TM9SF2: variants seen among roughly 807,000 people sequenced by gnomAD.
TM9SF2 encodes the protein transmembrane 9 superfamily member 2.
A neutral mutation model predicts 84.9 loss-of-function variants in TM9SF2; 13 were observed. The ratio of observed to expected loss-of-function variants is 0.15; its 90% CI spans 0.10 to 0.24. TM9SF2 has a LOEUF of 0.24. TM9SF2 is among the 10% of genes least tolerant of loss of function. The probability of loss-of-function intolerance (pLI) is 1.00; values close to 1 mark genes in which losing one functional copy is unlikely to be tolerated. For missense variants in TM9SF2, 562 were observed against 818.5 expected (o/e 0.69, Z 3.82); for synonymous variants, 273 against 285.8 (o/e 0.96, Z 0.45).
chr13:99,528,967 A>G (rs889417258), intron 3 of TM9SF2, among the ~76,000 whole-genome samples: 1 of 152,212 alleles, frequency 6.6e-6, no homozygotes, highest in South Asian at 2.1e-4. Flanking sequence ...AGTCATGTTT[A>G]GCCTGATTTT....
intron 9 of TM9SF2, among the ~76,000 whole-genome samples, chr13:99,543,288 A>G (rs1421103580): frequency 6.6e-6 from 1 of 152,190 alleles, no homozygotes. Context: ...AATGTACAGT[A>G]TACTTTCCTG....
chr13:99,536,267 T>C (rs1469985930), intron 4 of TM9SF2, among the ~76,000 whole-genome samples: 2 of 151,912 alleles, frequency 1.3e-5, no homozygotes, highest in Non-Finnish European at 2.9e-5. Context: ...ACCTACCATT[T>C]ATCCTTTCAA....
At chr13:99,518,312 T>C (rs887317666) in intron 2 of TM9SF2, among the ~76,000 whole-genome samples, 29 of 152,342 alleles carry the variant, frequency 1.9e-4, no homozygotes, top group African/African-American at 7.0e-4. Context: ...GGTTTCACCA[T>C]GTTAGCCAGG....
chr13:99,549,868 C>T (rs540571784), intron 12 of TM9SF2, among the ~76,000 whole-genome samples: 2 of 152,186 alleles, frequency 1.3e-5, no homozygotes, highest in Non-Finnish European at 2.9e-5. Context: ...CAGAACTGTT[C>T]CATTTGCAGG....
chr13:99,524,359 A>G (rs1412989355), intron 3 of TM9SF2, among the ~76,000 whole-genome samples: 1 of 152,032 alleles, frequency 6.6e-6, no homozygotes, highest in Non-Finnish European at 1.5e-5. Flanking sequence ...GGCCGACAGA[A>G]TTTGCCAAGG....
chr13:99,519,788 G>T (rs2046151255), intron 2 of TM9SF2, among the ~76,000 whole-genome samples: 1 of 152,174 alleles, frequency 6.6e-6, no homozygotes, highest in Admixed American at 6.5e-5. Flanking sequence ...TCAATTAAAA[G>T]ATATTGTAAT....
intron 8 of TM9SF2, among the ~76,000 whole-genome samples, chr13:99,541,293 A>G (rs1441764676): frequency 2.0e-5 from 3 of 152,216 alleles, no homozygotes; most frequent in South Asian, 2.1e-4. Context: ...TGGGCACAGT[A>G]GTTATTTCAT....
rs1446330566 is a variant in TM9SF2 at position 99,545,052 on chromosome 13, GA to G, written c.1150+1058del. On this transcript the variant is annotated intron_variant, in intron 10 of 16. Transcript: ENST00000376387. ...TTTATTTAATGTATTTTACTTTATT[GA>G]TGCCTGCTACTGATAAATAGCAACA... 5.9e-5 allele frequency among the ~76,000 whole-genome samples: 9 copies of G among 152,052 alleles called. 1 individual carries two copies. Among genetic ancestry groups the G allele is most frequent in the Admixed American group, 6.6e-5 (1 of 15,262 alleles).
intron 10 of TM9SF2, among the ~76,000 whole-genome samples, chr13:99,544,482 C>T (rs2046274843): frequency 6.6e-6 from 1 of 152,292 alleles, no homozygotes; most frequent in South Asian, 2.1e-4. Context: ...TTGGTTTCTC[C>T]CTTCAGCTCT....
intron 6 of TM9SF2, 151 bp downstream of exon 6, chr13:99,538,014 G>A (rs906048625): frequency 1.6e-5 from 19 of 1,171,208 alleles, no homozygotes; most frequent in Non-Finnish European, 2.1e-5. Flanking sequence ...ATTGTTATGG[G>A]TTGTCCAGAA....
chr13:99,528,419 CAG>C (rs780211257), intron 3 of TM9SF2, among the ~76,000 whole-genome samples: 2 of 152,328 alleles, frequency 1.3e-5, no homozygotes, highest in Non-Finnish European at 2.9e-5. Flanking sequence ...AAGCACTAAA[CAG>C]ATGTTACCTA....
chr13:99,505,683 G>A (rs1042816206), intron 1 of TM9SF2, among the ~76,000 whole-genome samples: 5 of 152,136 alleles, frequency 3.3e-5, no homozygotes, highest in African/African-American at 1.2e-4. Context: ...GATATTCCAG[G>A]ATAAAATCCA....
intron 11 of TM9SF2, among the ~76,000 whole-genome samples, chr13:99,547,784 C>T (rs1018582552): frequency 6.6e-6 from 1 of 152,146 alleles, no homozygotes; most frequent in African/African-American, 2.4e-5. Context: ...GGGAATGCCA[C>T]AGTCTCGTCT....
At chr13:99,519,940 C>A in intron 2 of TM9SF2, 96 bp from the exon 3 acceptor site, 1 of 1,007,550 alleles carries the variant, frequency 9.9e-7, no homozygotes. Context: ...AGAGCTGCTA[C>A]AATGATCAGT....
chr13:99,541,708 T>G (rs771428671), intron 9 of TM9SF2, 41 bp downstream of exon 9: 19 of 1,319,124 alleles, frequency 1.4e-5, no homozygotes, highest in Non-Finnish European at 1.9e-5. Context: ...CCAAGGACAC[T>G]GTTTATTGTT....
intron 11 of TM9SF2, 122 bp from the exon 12 acceptor site, chr13:99,549,043 A>G (rs2139105741): frequency 2.8e-6 from 2 of 717,554 alleles, no homozygotes; most frequent in South Asian, 1.8e-5. Flanking sequence ...TGCTAGTACC[A>G]TTTTCTAGGA....
chr13:99,542,568 T>C (rs2046265481), intron 9 of TM9SF2, among the ~76,000 whole-genome samples: 1 of 152,132 alleles, frequency 6.6e-6, no homozygotes, highest in African/African-American at 2.4e-5. Flanking sequence ...CAGGTTTTTA[T>C]TGTATTCTCT....
intron 1 of TM9SF2, among the ~76,000 whole-genome samples, chr13:99,502,512 G>C (rs938561792): frequency 3.3e-5 from 5 of 152,194 alleles, no homozygotes; most frequent in African/African-American, 1.2e-4. Context: ...ACACTTAAAA[G>C]GGGCAAATGG....
intron 14 of TM9SF2, among the ~76,000 whole-genome samples, chr13:99,554,778 G>C (rs1050770990): frequency 6.6e-6 from 1 of 152,160 alleles, no homozygotes; most frequent in African/African-American, 2.4e-5. Flanking sequence ...ATTTGCTTGT[G>C]TTACACAGCA....
Sources: allele counts gnomAD v4.1 joint callset (sites outside exome capture counted in the v4.1 genomes callset), GRCh38; gene constraint gnomAD v4.1.1; transcripts MANE v1.5; gene names NCBI Gene and HGNC (gene_info 2026-07-23, HGNC 2026-07-21).